Variants in LRP2 observed in about 807,000 individuals in gnomAD.
LRP2 encodes low-density lipoprotein receptor-related protein 2.
Under a neutral mutation model 531.0 loss-of-function variants are expected in LRP2, and 172 were observed. That is an observed-to-expected ratio of 0.32 (90% confidence interval 0.29 to 0.37). The LOEUF (loss-of-function observed/expected upper bound fraction) is 0.37. Among genes scored for constraint, LRP2 ranks in the 10% least tolerant of loss-of-function variants. The pLI is 1.00. For synonymous variants in LRP2, 1,992 were observed against 2,027.6 expected, an observed-to-expected ratio of 0.98 and a Z score of 0.47; for missense variants, 5,167 against 5,868.3, an observed-to-expected ratio of 0.88 and a Z score of 3.90.
intron 1 of LRP2, among the ~76,000 whole-genome samples, chr2:169,332,508 G>A (rs972912460): frequency 1.3e-5 from 2 of 152,144 alleles, no homozygotes; most frequent in African/African-American, 4.8e-5. Context: ...TTGCATCCTA[G>A]CCTTGGTTTA....
rs144677287 is a variant in LRP2, at chr2:169,282,098, C to T, written c.1171+775G>A. 5.5e-4 allele frequency among the ~76,000 whole-genome samples: 83 copies of T among 152,088 alleles called. 1 individual carries two copies. In the East Asian group the frequency reaches 0.013, roughly 24 times the overall value. The stretch of plus-strand genomic sequence containing the variant: ...TAAACACATTGAATTGTTAAAAATC[C>T]GCTGAACCTAAAAGTTACTACACAG... On this transcript the variant is annotated intron_variant, in intron 10 of 78. Coordinates refer to ENST00000649046, the MANE Select transcript of LRP2 (RefSeq NM_004525.3).
intron 63 of LRP2, among the ~76,000 whole-genome samples, chr2:169,159,569 A>G (rs1686496776): frequency 6.6e-6 from 1 of 151,942 alleles, no homozygotes; most frequent in Admixed American, 6.6e-5. Flanking sequence ...TAGATTTTCT[A>G]TTTTTTTCAT....
rs1236195196 is a variant in LRP2, at chr2:169,202,870, G to C, written c.8095C>G (p.Arg2699Gly). ...RKHCIVDNGE[R>G]CGASSFTCSN... ...CAGGTGAAGGAAGATGCACCACATCGTTCACCATTGTCCACAATGCAGTGC... is the reference window on the plus strand; with the variant it reads ...CAGGTGAAGGAAGATGCACCACATCCTTCACCATTGTCCACAATGCAGTGC... Residue 2699 changes from arginine (R) to glycine (G), a missense_variant, in exon 43 of 79, where the codon CGA (arginine) becomes GGA (glycine). Arg to Gly is a moderately radical substitution (Grantham distance 125). This residue lies in a region of LRP2 where 1,129 missense variants were observed against 1,362.7 expected (regional missense o/e 0.83). Coordinates refer to ENST00000649046, the MANE Select transcript of LRP2 (RefSeq NM_004525.3). The C allele has an allele frequency of 6.2e-7, 1 of 1,614,036 alleles. No homozygotes were observed. The highest frequency in any genetic ancestry group is 1.3e-5 in the African/African-American group (1 of 74,914).
intron 1 of LRP2, among the ~76,000 whole-genome samples, chr2:169,353,572 A>AT (rs1438942168): frequency 6.6e-6 from 1 of 152,226 alleles, no homozygotes; most frequent in Non-Finnish European, 1.5e-5. Context: ...AAATTAAACC[A>AT]GTGTGGAAGT....
chr2:169,326,144 CCCTCT>C (rs1372843036), intron 1 of LRP2, among the ~76,000 whole-genome samples: 95 of 70,376 alleles, frequency 1.3e-3, no homozygotes, highest in Non-Finnish European at 2.2e-3. Context: ...CTCTCCCTCT[CCCTCT>C]CCCTCTCCCT....
At chr2:169,355,873 T>C (rs985284626) in intron 1 of LRP2, among the ~76,000 whole-genome samples, 1 of 152,188 alleles carries the variant, frequency 6.6e-6, no homozygotes, top group Non-Finnish European at 1.5e-5. Flanking sequence ...TCAACCTAAT[T>C]ATCTGTATCT....
At chr2:169,176,134 C>A (rs1281033015) in intron 54 of LRP2, among the ~76,000 whole-genome samples, 1 of 152,174 alleles carries the variant, frequency 6.6e-6, no homozygotes, top group Non-Finnish European at 1.5e-5. Flanking sequence ...ACTCTGGCTC[C>A]AATACTTAAG....
intron 70 of LRP2, 93 bp from the exon 71 acceptor site, chr2:169,142,886 A>G: frequency 7.0e-7 from 1 of 1,424,942 alleles, no homozygotes; most frequent in Non-Finnish European, 9.9e-7. Context: ...GTGACAGCAG[A>G]GCCTAGGCAT....
intron 43 of LRP2, 129 bp downstream of exon 43, chr2:169,202,627 A>C (rs1178889864): frequency 1.3e-5 from 12 of 933,326 alleles, no homozygotes; most frequent in Non-Finnish European, 1.9e-5. Context: ...CAGAGGAAAC[A>C]TTTTTCAGCT....
At chr2:169,195,164 C>T (rs1687964582) in intron 46 of LRP2, among the ~76,000 whole-genome samples, 3 of 152,212 alleles carry the variant, frequency 2.0e-5, no homozygotes, top group South Asian at 2.1e-4. Context: ...AATGTCCAAC[C>T]ACTAGGAAAA....
intron 32 of LRP2, among the ~76,000 whole-genome samples, chr2:169,225,676 GGCTACA>G (rs1410805926): frequency 6.6e-6 from 1 of 152,178 alleles, no homozygotes; most frequent in East Asian, 1.9e-4. Flanking sequence ...CTCCAGTACT[GGCTACA>G]GAGATAGTTC....
intron 52 of LRP2, among the ~76,000 whole-genome samples, chr2:169,181,230 G>A (rs1687418910): frequency 6.6e-6 from 1 of 152,096 alleles, no homozygotes; most frequent in Admixed American, 6.5e-5. Flanking sequence ...AAAACATCAG[G>A]TCATAAACCC....
At chr2:169,316,784 T>C (rs2105510080) in intron 3 of LRP2, among the ~76,000 whole-genome samples, 1 of 152,220 alleles carries the variant, frequency 6.6e-6, no homozygotes, top group East Asian at 1.9e-4. Context: ...TGAGAAAAGC[T>C]GCTCAGGGCA....
chr2:169,167,788 C>T (rs1686836991), intron 61 of LRP2, among the ~76,000 whole-genome samples: 2 of 151,724 alleles, frequency 1.3e-5, no homozygotes, highest in Admixed American at 1.3e-4. Flanking sequence ...ATGACTGCAA[C>T]AAACTCTATT....
chr2:169,307,516 T>A, intron 3 of LRP2, 119 bp from the exon 4 acceptor site: 1 of 707,186 alleles, frequency 1.4e-6, no homozygotes, highest in Non-Finnish European at 2.5e-6. Flanking sequence ...GTAAAGTACC[T>A]GGCTACCACC....
chr2:169,246,365 C>T (rs542648753), intron 21 of LRP2, among the ~76,000 whole-genome samples: 46 of 152,196 alleles, frequency 3.0e-4, no homozygotes, highest in Admixed American at 8.5e-4. Context: ...TCTCGGCCTC[C>T]GATTACAGGC....
chr2:169,169,851 C>T, intron 59 of LRP2, 33 bp from the exon 60 acceptor site: 2 of 1,452,390 alleles, frequency 1.4e-6, no homozygotes, highest in African/African-American at 1.4e-5. Context: ...CCGAGAAGGC[C>T]TTGTCATTTT....
intron 4 of LRP2, among the ~76,000 whole-genome samples, chr2:169,304,173 A>G (rs975432790): frequency 6.6e-6 from 1 of 152,106 alleles, no homozygotes; most frequent in Non-Finnish European, 1.5e-5. Flanking sequence ...GCAATAAAGC[A>G]CTCATTTTCA....
rs143400074 is a variant in LRP2, at chr2:169,210,961, G to T, written c.6280+1007C>A. Among the ~76,000 whole-genome samples the T allele has an allele frequency of 1.6e-4, 24 of 152,120 alleles. No homozygotes were observed. The East Asian group carries it at 4.6e-3, about 29-fold the overall frequency. On this transcript the variant is annotated intron_variant, in intron 37 of 78. Coordinates refer to ENST00000649046, the MANE Select transcript of LRP2 (RefSeq NM_004525.3). Reference sequence around the variant, plus strand: ...TAACAACTGTTAAATCTTGGTAAAGGGTATAAGGATATTTCCTAAATCTTT... The same window carrying T: ...TAACAACTGTTAAATCTTGGTAAAGTGTATAAGGATATTTCCTAAATCTTT...
Sources: gnomAD v4.1 joint callset for allele counts (sites outside exome capture counted in the v4.1 genomes callset) on GRCh38, gnomAD v4.1.1 for gene constraint, gnomAD v4.1.1 regional missense constraint, MANE v1.5 for transcripts, NCBI Gene and HGNC (gene_info 2026-07-23, HGNC 2026-07-21) for gene names.